Variants in TRIM44 observed in about 807,000 individuals in gnomAD.
TRIM44 encodes tripartite motif containing 44.
Under a neutral mutation model 37.4 loss-of-function variants are expected in TRIM44, and 13 were observed. That is an observed-to-expected ratio of 0.35 (90% CI 0.23 to 0.55). The LOEUF is 0.55. Among genes scored for constraint, TRIM44 ranks in the 20% least tolerant of loss-of-function variants. The pLI, the probability that TRIM44 is intolerant of heterozygous loss-of-function variation, is 0.89. For missense variants in TRIM44, 426 were observed against 437.2 expected (o/e 0.97, Z 0.23); for synonymous variants, 175 against 157.2 (o/e 1.11, Z -0.85).
chr11:35,791,989 A>G lies in TRIM44; in HGVS notation c.1008-14369A>G, dbSNP rs574964093. Among the ~76,000 whole-genome samples the G allele has an allele frequency of 3.3e-5, 5 of 152,010 alleles. No individual in the cohort carries two copies. In the East Asian group the frequency reaches 9.7e-4, roughly 29 times the overall value. Reference sequence around the variant, plus strand: ...ACTCATTAGGCAGCAGGCTGAACACATTATATCCATTATCTCATTTAATAT... The same window carrying G: ...ACTCATTAGGCAGCAGGCTGAACACGTTATATCCATTATCTCATTTAATAT... On this transcript the variant is annotated intron_variant, in intron 4 of 4. Transcript: ENST00000299413.
chr11:35,702,292 G>A (rs369652192), intron 2 of TRIM44, among the ~76,000 whole-genome samples: 32 of 152,240 alleles, frequency 2.1e-4, no homozygotes, highest in South Asian at 6.2e-4. Flanking sequence ...ACTCGCCCAC[G>A]CTCCGGGAGG....
In TRIM44 at chr11:35,790,623, C is replaced by G. The variant is rs552765414; in HGVS notation, c.1008-15735C>G. ...CTGTCTCTCATCTGACAGCACTGAA[C>G]TGCAGTACAAGGAGAGCCTCTGGTA... On this transcript the variant is annotated intron_variant, in intron 4 of 4. Coordinates refer to ENST00000299413, the MANE Select transcript of TRIM44 (RefSeq NM_017583.6). 1.6e-4 allele frequency among the ~76,000 whole-genome samples: 24 copies of G among 152,268 alleles called. No homozygotes were observed. In the South Asian group the frequency reaches 4.6e-3, roughly 29 times the overall value.
At chr11:35,760,249 G>C (rs1302036220) in intron 4 of TRIM44, among the ~76,000 whole-genome samples, 1 of 152,168 alleles carries the variant, frequency 6.6e-6, no homozygotes, top group Non-Finnish European at 1.5e-5. Context: ...AGACTGCTGT[G>C]CTAGCAATCA....
intron 4 of TRIM44, among the ~76,000 whole-genome samples, chr11:35,779,465 G>T (rs926034846): frequency 7.2e-5 from 11 of 152,088 alleles, no homozygotes; most frequent in Non-Finnish European, 1.6e-4. Flanking sequence ...ACAAGCCCCA[G>T]TGAGATGAAC....
intron 4 of TRIM44, among the ~76,000 whole-genome samples, chr11:35,777,744 G>C (rs1852991833): frequency 1.3e-5 from 2 of 152,118 alleles, no homozygotes; most frequent in Non-Finnish European, 2.9e-5. Flanking sequence ...TGAAATTCTG[G>C]GTTGAAAATT....
At chr11:35,759,074 G>A (rs951222916) in intron 4 of TRIM44, among the ~76,000 whole-genome samples, 1 of 152,108 alleles carries the variant, frequency 6.6e-6, no homozygotes, top group African/African-American at 2.4e-5. Flanking sequence ...AAGTTCTCCT[G>A]GATAATATCC....
chr11:35,729,030 C>T (rs1377843227), intron 3 of TRIM44, among the ~76,000 whole-genome samples: 3 of 152,072 alleles, frequency 2.0e-5, no homozygotes, highest in Admixed American at 1.3e-4. Context: ...AAGACTCTTG[C>T]AGGTGGAAAA....
In TRIM44 at chr11:35,807,097, A is replaced by T. The variant is rs1476749871; in HGVS notation, c.*712A>T. On this transcript the variant is annotated 3_prime_UTR_variant, in exon 5 of 5. Coordinates refer to ENST00000299413, the MANE Select transcript of TRIM44 (RefSeq NM_017583.6). ...AAAAAAGGACCAAAGAAGTCTGATT[A>T]AAAGTTGAAATCAGTATTTCTGAAT... 6.6e-6 allele frequency: 1 copy of T among 152,256 alleles called. No homozygotes were observed. Among genetic ancestry groups the T allele is most frequent in the African/African-American group, 2.4e-5 (1 of 41,474 alleles). 9.4% of individuals were successfully genotyped at this position (152,256 alleles called of 1,614,324 possible).
chr11:35,771,030 A>G (rs1209261379), intron 4 of TRIM44, among the ~76,000 whole-genome samples: 1 of 152,152 alleles, frequency 6.6e-6, no homozygotes, highest in Non-Finnish European at 1.5e-5. Flanking sequence ...TGGTACCAAT[A>G]GAGCGGGGCG....
At chr11:35,709,073 T>C (rs979284990) in intron 2 of TRIM44, among the ~76,000 whole-genome samples, 2 of 151,890 alleles carry the variant, frequency 1.3e-5, no homozygotes, top group African/African-American at 4.8e-5. Context: ...CCATTACTTA[T>C]CCAAAGTCAG....
intron 1 of TRIM44, among the ~76,000 whole-genome samples, chr11:35,682,641 G>A (rs906021791): frequency 6.6e-6 from 1 of 152,180 alleles, no homozygotes; most frequent in Admixed American, 6.5e-5. Flanking sequence ...GTGGGGAGGT[G>A]GAACAGGTGA....
At chr11:35,713,111 T>A (rs539111966) in intron 2 of TRIM44, among the ~76,000 whole-genome samples, 1 of 152,346 alleles carries the variant, frequency 6.6e-6, no homozygotes, top group African/African-American at 2.4e-5. Flanking sequence ...CTCTCCTGAT[T>A]GACTGCATTT....
At chr11:35,725,064 A>T (rs1040681076) in intron 2 of TRIM44, among the ~76,000 whole-genome samples, 1 of 98,082 alleles carries the variant, frequency 1.0e-5, no homozygotes, top group Non-Finnish European at 1.8e-5. Context: ...ACATGCACAC[A>T]CTCACACACA....
chr11:35,736,892 G>A (rs923523015), intron 4 of TRIM44, among the ~76,000 whole-genome samples: 1 of 152,030 alleles, frequency 6.6e-6, no homozygotes, highest in African/African-American at 2.4e-5. Flanking sequence ...ATATATTCGT[G>A]ACCTACTGTG....
intron 4 of TRIM44, among the ~76,000 whole-genome samples, chr11:35,794,895 C>A (rs1434277978): frequency 6.6e-6 from 1 of 152,196 alleles, no homozygotes; most frequent in Non-Finnish European, 1.5e-5. Context: ...CGTTTGCCAC[C>A]ACAAAATAAT....
Sources: allele counts gnomAD v4.1 joint callset (sites outside exome capture counted in the v4.1 genomes callset), GRCh38; gene constraint gnomAD v4.1.1; transcripts MANE v1.5; gene names NCBI Gene and HGNC (gene_info 2026-07-23, HGNC 2026-07-21).